The following KIFC3 variants were observed in gnomAD, a reference collection of about 807,000 sequenced individuals.
KIFC3 encodes the protein kinesin family member C3.
In KIFC3, 60 loss-of-function variants were observed where a neutral mutation model predicts 101.8. The observed-to-expected ratio is 0.59, with a 90% CI of 0.48 to 0.73. KIFC3 has a LOEUF of 0.73. KIFC3 is among the 30% of genes least tolerant of loss of function. KIFC3 has a pLI of 0.00. For synonymous variants in KIFC3, 476 were observed against 482.7 expected, an observed-to-expected ratio of 0.99 and a Z score of 0.18; for missense variants, 966 against 1,137.1, an observed-to-expected ratio of 0.85 and a Z score of 2.16.
At chr16:57,781,680 G>A (rs544911685) in intron 3 of KIFC3, among the ~76,000 whole-genome samples, 3 of 152,316 alleles carry the variant, frequency 2.0e-5, no homozygotes, top group African/African-American at 7.2e-5. Context: ...AGTGATAATG[G>A]AGCCCCGTTA....
At chr16:57,772,955 G>A (rs115903186) in intron 3 of KIFC3, among the ~76,000 whole-genome samples, 266 of 152,306 alleles carry the variant, frequency 1.7e-3, no homozygotes, top group African/African-American at 5.8e-3. Context: ...GACCCCAGAA[G>A]AGGGGACACC....
At chr16:57,790,071 TTTCTTTC>T (rs1274103554) in intron 3 of KIFC3, among the ~76,000 whole-genome samples, 32 of 37,312 alleles carry the variant, frequency 8.6e-4, no homozygotes, top group African/African-American at 1.9e-3. Context: ...TCTTTCTTTC[TTTCTTTC>T]TTTTTTTTTT....
At chr16:57,775,654 G>A (rs1403986817) in intron 3 of KIFC3, 4 of 985,518 alleles carry the variant, frequency 4.1e-6, no homozygotes, top group Non-Finnish European at 4.8e-6. Flanking sequence ...AGCAAGGGCC[G>A]TCCATGTCTC....
upstream of KIFC3, chr16:57,803,054 A>C: frequency 1.3e-6 from 2 of 1,535,530 alleles, no homozygotes; most frequent in Non-Finnish European, 1.7e-6. Context: ...CACTCGCTCC[A>C]CCACCTACTC....
chr16:57,770,451 GTT>G, intron 7 of KIFC3, 74 bp downstream of exon 7: 4 of 1,286,862 alleles, frequency 3.1e-6, no homozygotes, highest in Non-Finnish European at 4.0e-6. Context: ...GTACCCAAAT[GTT>G]TAACCGATGC....
In KIFC3 at chr16:57,760,811, C is replaced by T; in HGVS notation, c.2147G>A (p.Gly716Asp). 1 of 1,613,640 alleles carries T rather than the reference C, an allele frequency of 6.2e-7. No homozygotes were observed. The highest frequency in any genetic ancestry group is 8.5e-7 in the Non-Finnish European group (1 of 1,180,000). The change falls in exon 16 of 20, where the codon GGC becomes GAC. Residue 716 changes from glycine (G) to aspartate (D), a missense_variant. Around this residue, in one of 2 missense-constraint regions of KIFC3, gnomAD observed 689 missense variants for 884.6 expected, o/e 0.78. Coordinates refer to ENST00000445690, the MANE Select transcript of KIFC3 (RefSeq NM_001130100.2). ...DVIAALRSRQ[G>D]HVPFRNSKLT... is the part of the protein sequence containing the mutation. ...CTTGGAGTTGCGGAAGGGCACGTGG[C>T]CCTGGCGGGAGCGCAGGGCAGCAAT... is the stretch of plus-strand genomic sequence containing the variant.
At chr16:57,774,472 G>C (rs1378440934) in intron 3 of KIFC3, among the ~76,000 whole-genome samples, 1 of 151,944 alleles carries the variant, frequency 6.6e-6, no homozygotes, top group East Asian at 1.9e-4. Context: ...AAAAAGTGGG[G>C]GTCTCTGGGC....
intron 1 of KIFC3, among the ~76,000 whole-genome samples, chr16:57,854,622 C>T (rs532906849): frequency 4.0e-5 from 5 of 125,044 alleles, no homozygotes; most frequent in East Asian, 2.4e-4. Context: ...AGCAAGACTC[C>T]GTCTCAGAAA....
intron 3 of KIFC3, among the ~76,000 whole-genome samples, chr16:57,781,176 G>A (rs2052692670): frequency 6.6e-6 from 1 of 152,190 alleles, no homozygotes; most frequent in Non-Finnish European, 1.5e-5. Flanking sequence ...AAGTGGGCCA[G>A]GTGTGGTGGA....
chr16:57,790,854 G>C (rs113635652), intron 3 of KIFC3: 2 of 942,862 alleles, frequency 2.1e-6, no homozygotes, highest in African/African-American at 3.5e-5. Context: ...ACATCAGCAG[G>C]CTCCTTAGCC....
intron 1 of KIFC3, among the ~76,000 whole-genome samples, chr16:57,826,676 G>A (rs928612573): frequency 2.0e-5 from 3 of 152,152 alleles, no homozygotes; most frequent in South Asian, 2.1e-4. Context: ...AAGAGAACAG[G>A]TGCAGGAAAA....
chr16:57,775,699 T>G lies in KIFC3; in HGVS notation c.316-3411A>C, dbSNP rs895504526. 1.6e-5 allele frequency: 16 copies of G among 985,420 alleles called. No homozygotes were observed. In the Admixed American group the frequency reaches 2.5e-4, roughly 15 times the overall value. The allele number at this position is 985,420 out of a possible 1,614,324, so 61.0% of individuals were successfully genotyped here. A position where few individuals can be genotyped will look rare whatever the true frequency, so the allele number is the denominator to read the frequency against. ...CAGGGGAGGGTCCCGAGTGCCACCC[T>G]GGGCCCGATACATACTTGTGGCCAC... is the stretch of plus-strand genomic sequence containing the variant. On this transcript the variant is annotated intron_variant, in intron 3 of 19. Coordinates refer to ENST00000445690, the MANE Select transcript of KIFC3 (RefSeq NM_001130100.2).
At chr16:57,801,071 C>A (rs1439895356) in intron 1 of KIFC3, among the ~76,000 whole-genome samples, 4 of 152,212 alleles carry the variant, frequency 2.6e-5, no homozygotes, top group Admixed American at 6.5e-5. Flanking sequence ...ACAATACTGG[C>A]ATATACAAAG....
intron 4 of KIFC3, 98 bp from the exon 5 acceptor site, chr16:57,771,784 GGA>G: frequency 7.2e-7 from 1 of 1,379,988 alleles, no homozygotes; most frequent in Non-Finnish European, 9.7e-7. Flanking sequence ...AGGGAAGAGA[GGA>G]GAGGTGTGGA....
chr16:57,838,990 A>C (rs1404848193), intron 1 of KIFC3, among the ~76,000 whole-genome samples: 1 of 152,190 alleles, frequency 6.6e-6, no homozygotes, highest in Non-Finnish European at 1.5e-5. Context: ...GGGGAGATAC[A>C]CAGGGCCTCT....
At chr16:57,794,941 C>T (rs991100807) in intron 3 of KIFC3, 58 bp downstream of exon 3, 7 of 1,457,398 alleles carry the variant, frequency 4.8e-6, no homozygotes, top group African/African-American at 1.5e-5. Context: ...GGCAGGAACC[C>T]AGCCACTGGA....
At chr16:57,806,994 A>G (rs2054951755), upstream of KIFC3, among the ~76,000 whole-genome samples, 1 of 152,078 alleles carries the variant, frequency 6.6e-6, no homozygotes. Context: ...TGAGGCGGGC[A>G]ATCACCTGAG....
intron 1 of KIFC3, among the ~76,000 whole-genome samples, chr16:57,853,418 CAAAAT>C (rs71385127): frequency 0.055 from 8,053 of 146,058 alleles, 289 homozygotes; most frequent in Admixed American, 0.11. Context: ...GACTCCATCT[CAAAAT>C]AAAATAAAAT....
chr16:57,851,676 C>T (rs1205290566), intron 1 of KIFC3, among the ~76,000 whole-genome samples: 5 of 151,826 alleles, frequency 3.3e-5, no homozygotes, highest in African/African-American at 1.2e-4. Context: ...AAGTGATTCT[C>T]CTGCCTCAGC....
Sources: allele counts gnomAD v4.1 joint callset (sites outside exome capture counted in the v4.1 genomes callset), GRCh38; gene constraint gnomAD v4.1.1; regional missense constraint gnomAD v4.1.1; transcripts MANE v1.5; gene names NCBI Gene and HGNC (gene_info 2026-07-23, HGNC 2026-07-21).